The following HEMK2 variants were observed in gnomAD, a reference collection of about 807,000 sequenced individuals.
HEMK2 encodes methyltransferase HEMK2.
At chr21:28,713,677 T>C in the HEMK2 span, among the ~76,000 whole-genome samples, 3 of 152,196 alleles carry the variant, frequency 2.0e-5, no homozygotes, top group African/African-American at 2.4e-5. Context: ...GGTCTCCCTA[T>C]TGGAAGTTTG....
the HEMK2 span, among the ~76,000 whole-genome samples, chr21:28,665,677 G>C: frequency 6.6e-6 from 1 of 151,066 alleles, no homozygotes; most frequent in African/African-American, 2.4e-5. Flanking sequence ...AGTCGGTGTG[G>C]CGATTCCTCA....
chr21:28,687,079 C>T, the HEMK2 span, among the ~76,000 whole-genome samples: 50 of 152,196 alleles, frequency 3.3e-4, no homozygotes, highest in Non-Finnish European at 1.0e-4. Flanking sequence ...GCAGCTGTTT[C>T]CACAGTGGGC....
the HEMK2 span, among the ~76,000 whole-genome samples, chr21:28,640,714 AG>A: frequency 0.43 from 65,328 of 152,086 alleles, 17,350 homozygotes; most frequent in Non-Finnish European, 0.59. Flanking sequence ...CCAATCCTCT[AG>A]GACTTGGCTG....
chr21:28,835,131 C>T, the HEMK2 span, among the ~76,000 whole-genome samples: 4 of 152,238 alleles, frequency 2.6e-5, no homozygotes, highest in South Asian at 8.3e-4. Flanking sequence ...AGTTCCTCCC[C>T]ATACTACTAC....
At chr21:28,687,545 C>A in the HEMK2 span, among the ~76,000 whole-genome samples, 1 of 151,936 alleles carries the variant, frequency 6.6e-6, no homozygotes, top group Non-Finnish European at 1.5e-5. Context: ...TGCACACACC[C>A]AGCAAAATTC....
At chr21:28,691,072 G>A in the HEMK2 span, among the ~76,000 whole-genome samples, 15 of 152,128 alleles carry the variant, frequency 9.9e-5, no homozygotes, top group Non-Finnish European at 2.1e-4. Flanking sequence ...GGCACAGAAG[G>A]TCTGATTTTC....
At chr21:28,653,748 G>A in the HEMK2 span, among the ~76,000 whole-genome samples, 1 of 152,132 alleles carries the variant, frequency 6.6e-6, no homozygotes, top group African/African-American at 2.4e-5. Context: ...TTTGTGTTTA[G>A]TTCATTGGAC....
the HEMK2 span, among the ~76,000 whole-genome samples, chr21:28,753,990 A>C: frequency 1.3e-5 from 2 of 152,162 alleles, no homozygotes; most frequent in African/African-American, 4.8e-5. Flanking sequence ...TTTTAGGTAA[A>C]AGTATTTTTT....
At chr21:28,722,318 T>C in the HEMK2 span, among the ~76,000 whole-genome samples, 1 of 152,160 alleles carries the variant, frequency 6.6e-6, no homozygotes, top group Admixed American at 6.5e-5. Context: ...ACAGTGAAGT[T>C]TGCAGATGAA....
At chr21:28,865,418 T>G in the HEMK2 span, among the ~76,000 whole-genome samples, 1 of 152,226 alleles carries the variant, frequency 6.6e-6, no homozygotes, top group Admixed American at 6.5e-5. Context: ...CTGCTCACCT[T>G]GGCCTCCCAG....
the HEMK2 span, among the ~76,000 whole-genome samples, chr21:28,634,263 G>A: frequency 1.3e-5 from 2 of 152,168 alleles, no homozygotes; most frequent in Non-Finnish European, 2.9e-5. Context: ...AAGTGTGCAA[G>A]GGGGGAATCC....
the HEMK2 span, among the ~76,000 whole-genome samples, chr21:28,799,433 G>A: frequency 6.6e-6 from 1 of 152,186 alleles, no homozygotes; most frequent in Non-Finnish European, 1.5e-5. Flanking sequence ...AATTGTGGGA[G>A]CTATAATTCA....
At chr21:28,736,926 C>G in the HEMK2 span, among the ~76,000 whole-genome samples, 1 of 152,060 alleles carries the variant, frequency 6.6e-6, no homozygotes, top group Non-Finnish European at 1.5e-5. Context: ...GGGGTTTAAA[C>G]TTTATTCTTC....
the HEMK2 span, among the ~76,000 whole-genome samples, chr21:28,823,922 T>A: frequency 6.6e-5 from 10 of 152,210 alleles, no homozygotes; most frequent in Non-Finnish European, 1.0e-4. Context: ...ATCATCTCCA[T>A]CAGAACCCTC....
the HEMK2 span, among the ~76,000 whole-genome samples, chr21:28,839,400 G>A: frequency 7.2e-4 from 109 of 152,112 alleles, no homozygotes; most frequent in African/African-American, 2.1e-3. Flanking sequence ...GAAATAAAGC[G>A]CATTCAAATC....
the HEMK2 span, among the ~76,000 whole-genome samples, chr21:28,717,974 T>A: frequency 6.6e-6 from 1 of 152,204 alleles, no homozygotes; most frequent in African/African-American, 2.4e-5. Flanking sequence ...GGTAGCTTTT[T>A]AGTTTGTTCT....
chr21:28,737,100 T>G, the HEMK2 span, among the ~76,000 whole-genome samples: 2 of 152,024 alleles, frequency 1.3e-5, no homozygotes, highest in Non-Finnish European at 2.9e-5. Context: ...CAGTGAAGTT[T>G]GTTGGTTGGT....
the HEMK2 span, among the ~76,000 whole-genome samples, chr21:28,711,651 G>A: frequency 6.6e-6 from 1 of 152,182 alleles, no homozygotes; most frequent in Non-Finnish European, 1.5e-5. Flanking sequence ...TCACATAAGA[G>A]CAAAGCAGCT....
the HEMK2 span, among the ~76,000 whole-genome samples, chr21:28,831,546 A>G: frequency 5.4e-4 from 43 of 79,382 alleles, no homozygotes; most frequent in South Asian, 2.0e-3. Context: ...AAAGAAGGAA[A>G]GAAGGAAAGA....
Sources: gnomAD v4.1 joint callset for allele counts (sites outside exome capture counted in the v4.1 genomes callset) on GRCh38, gnomAD v4.1.1 for gene constraint, MANE v1.5 for transcripts, NCBI Gene and HGNC (gene_info 2026-07-23, HGNC 2026-07-21) for gene names.